PLPPR1: variants seen among roughly 807,000 people sequenced by gnomAD.
PLPPR1 encodes phospholipid phosphatase related 1.
In PLPPR1, 10 loss-of-function variants were observed where a neutral mutation model predicts 33.1. The observed-to-expected ratio is 0.30, with a 90% CI of 0.19 to 0.51. PLPPR1 has a LOEUF of 0.51. Among genes scored for constraint, PLPPR1 ranks in the 20% least tolerant of loss-of-function variants. The probability of loss-of-function intolerance (pLI) is 0.97; values close to 1 mark genes in which losing one functional copy is unlikely to be tolerated. For synonymous variants in PLPPR1, 151 were observed against 151.0 expected (o/e 1.00, Z 0.00); for missense variants, 304 against 408.1 (o/e 0.74, Z 2.20).
intron 2 of PLPPR1, among the ~76,000 whole-genome samples, chr9:101,193,482 A>G (rs185328188): frequency 8.5e-4 from 130 of 152,276 alleles, no homozygotes; most frequent in African/African-American, 3.0e-3. Context: ...CCATGGAAAC[A>G]TTTTGAATGA....
chr9:101,263,644 T>C (rs941769164), intron 2 of PLPPR1, among the ~76,000 whole-genome samples: 1 of 152,198 alleles, frequency 6.6e-6, no homozygotes, highest in Non-Finnish European at 1.5e-5. Context: ...ATTTGTAACC[T>C]GACTTTCCCC....
intron 1 of PLPPR1, among the ~76,000 whole-genome samples, chr9:101,054,731 C>A (rs2118451802): frequency 6.6e-6 from 1 of 152,246 alleles, no homozygotes; most frequent in East Asian, 1.9e-4. Context: ...AATAAATAAA[C>A]AAATACATAA....
At chr9:101,167,537 T>C (rs1825879704) in intron 1 of PLPPR1, among the ~76,000 whole-genome samples, 1 of 152,036 alleles carries the variant, frequency 6.6e-6, no homozygotes. Flanking sequence ...CTTTCCTCCC[T>C]GCTTAATTAA....
intron 4 of PLPPR1, among the ~76,000 whole-genome samples, chr9:101,295,143 C>T (rs1828598075): frequency 6.6e-6 from 1 of 151,756 alleles, no homozygotes; most frequent in Non-Finnish European, 1.5e-5. Context: ...CACAAGCATT[C>T]TTATACACCA....
Position 101,079,852 on chromosome 9 carries a change from C to T in PLPPR1, c.-46+50750C>T, listed in dbSNP as rs186078068. ...CTCAGCCTCCCAAGTGCTGGGATTA[C>T]AGGCATGAGCCACCACGCCCAGCCT... On this transcript the variant is annotated intron_variant, in intron 1 of 7. Coordinates refer to ENST00000374874, the MANE Select transcript of PLPPR1 (RefSeq NM_207299.2). 1.4e-3 allele frequency among the ~76,000 whole-genome samples: 208 copies of T among 152,354 alleles called. 3 individuals are homozygous for T. The highest frequency in any genetic ancestry group is 0.011 in the Admixed American group (166 of 15,312).
intron 1 of PLPPR1, among the ~76,000 whole-genome samples, chr9:101,172,915 G>T (rs1307970736): frequency 6.6e-6 from 1 of 151,990 alleles, no homozygotes; most frequent in African/African-American, 2.4e-5. Flanking sequence ...CCAATGTCTT[G>T]AATACCATTG....
intron 3 of PLPPR1, among the ~76,000 whole-genome samples, chr9:101,283,181 C>A (rs1192066170): frequency 2.0e-5 from 3 of 152,074 alleles, no homozygotes; most frequent in Admixed American, 6.6e-5. Flanking sequence ...TCCTAAAAGT[C>A]ATCAATCAAA....
intron 2 of PLPPR1, among the ~76,000 whole-genome samples, chr9:101,193,775 T>C (rs775728431): frequency 1.3e-5 from 2 of 152,196 alleles, no homozygotes; most frequent in Non-Finnish European, 2.9e-5. Context: ...GCTAATTGAT[T>C]TACTTAAGGC....
chr9:101,079,661 C>T (rs376997965), intron 1 of PLPPR1, among the ~76,000 whole-genome samples: 2 of 151,922 alleles, frequency 1.3e-5, no homozygotes, highest in African/African-American at 2.4e-5. Context: ...CTCACTGCAA[C>T]CTCTGTCTCC....
chr9:101,085,861 C>G (rs752498316), intron 1 of PLPPR1, among the ~76,000 whole-genome samples: 1 of 151,130 alleles, frequency 6.6e-6, no homozygotes, highest in Admixed American at 6.6e-5. Context: ...GGAAATGGAC[C>G]GGGGGGGGCT....
chr9:101,204,235 T>C lies in PLPPR1; in HGVS notation c.63+18678T>C, dbSNP rs150298113. On this transcript the variant is annotated intron_variant, in intron 2 of 7. Coordinates refer to ENST00000374874, the MANE Select transcript of PLPPR1 (RefSeq NM_207299.2). ...GGTAGTAGCAACCAGCTCAAGCCCA[T>C]TGGAGATTTGTAGGGCTCACCTGCC... Among the ~76,000 whole-genome samples, 38 of 152,278 alleles carry C rather than the reference T, an allele frequency of 2.5e-4. 1 individual carries two copies. Among genetic ancestry groups the C allele is most frequent in the African/African-American group, 8.2e-4 (34 of 41,568 alleles).
At chr9:101,318,216 G>C (rs1241240114) in intron 7 of PLPPR1, among the ~76,000 whole-genome samples, 1 of 152,072 alleles carries the variant, frequency 6.6e-6, no homozygotes, top group African/African-American at 2.4e-5. Flanking sequence ...GATATAAATA[G>C]GTAGTCATAA....
chr9:101,072,535 G>A (rs976360514), intron 1 of PLPPR1, among the ~76,000 whole-genome samples: 6 of 152,232 alleles, frequency 3.9e-5, no homozygotes, highest in African/African-American at 1.2e-4. Context: ...AAATCACGCT[G>A]TGCCACAAGT....
At chr9:101,126,447 CT>C (rs1407156233) in intron 1 of PLPPR1, among the ~76,000 whole-genome samples, 6 of 152,172 alleles carry the variant, frequency 3.9e-5, no homozygotes, top group African/African-American at 1.4e-4. Flanking sequence ...GGGAATTGTG[CT>C]GCAGAGGTCC....
At chr9:101,236,522 C>G (rs963318432) in intron 2 of PLPPR1, among the ~76,000 whole-genome samples, 1 of 126,314 alleles carries the variant, frequency 7.9e-6, no homozygotes, top group Non-Finnish European at 1.6e-5. Context: ...AATTGTTACC[C>G]TCTCTCTCTA....
intron 1 of PLPPR1, among the ~76,000 whole-genome samples, chr9:101,166,250 T>C (rs1825856790): frequency 6.6e-6 from 1 of 152,158 alleles, no homozygotes; most frequent in Non-Finnish European, 1.5e-5. Context: ...CAGGAATATA[T>C]TTCTCACCCT....
At chr9:101,112,697 T>C (rs1007175133) in intron 1 of PLPPR1, among the ~76,000 whole-genome samples, 2 of 152,216 alleles carry the variant, frequency 1.3e-5, no homozygotes, top group Non-Finnish European at 2.9e-5. Context: ...GAATGAGGAA[T>C]GCTGAGAGTG....
intron 3 of PLPPR1, among the ~76,000 whole-genome samples, chr9:101,276,369 T>C (rs1292877378): frequency 2.0e-5 from 3 of 152,226 alleles, no homozygotes; most frequent in African/African-American, 7.2e-5. Flanking sequence ...TCTCATTTTC[T>C]GTCCATACTG....
intron 2 of PLPPR1, among the ~76,000 whole-genome samples, chr9:101,224,228 C>A (rs947508285): frequency 3.3e-5 from 5 of 152,216 alleles, no homozygotes; most frequent in Non-Finnish European, 7.4e-5. Flanking sequence ...GGGTGAAGGT[C>A]TTTGCTTTTG....
Sources: gnomAD v4.1 joint callset for allele counts (sites outside exome capture counted in the v4.1 genomes callset) on GRCh38, gnomAD v4.1.1 for gene constraint, MANE v1.5 for transcripts, NCBI Gene and HGNC (gene_info 2026-07-23, HGNC 2026-07-21) for gene names.